Variants in ELMOD1 observed in about 807,000 individuals in gnomAD.
ELMOD1 encodes ELMO domain-containing protein 1.
Under a neutral mutation model 46.7 loss-of-function variants are expected in ELMOD1, and 21 were observed. The ratio of observed to expected loss-of-function variants is 0.45; its 90% CI spans 0.32 to 0.65. ELMOD1 has a LOEUF of 0.65. Ranked by LOEUF, ELMOD1 falls within the 30% of genes least tolerant of loss-of-function variation. The probability of loss-of-function intolerance (pLI) is 0.04; values close to 1 mark genes in which losing one functional copy is unlikely to be tolerated. For missense variants in ELMOD1, 348 were observed against 407.8 expected, an observed-to-expected ratio of 0.85 and a Z score of 1.26; for synonymous variants, 122 against 138.2, an observed-to-expected ratio of 0.88 and a Z score of 0.82.
At chr11:107,630,841 C>A in intron 4 of ELMOD1, 113 bp downstream of exon 4, 3 of 1,016,006 alleles carry the variant, frequency 3.0e-6, no homozygotes, top group Non-Finnish European at 4.3e-6. Context: ...AAACTACTGC[C>A]AACTGAGAAG....
Position 107,666,263 on chromosome 11 carries a change from A to AT in ELMOD1, c.*1067dup, listed in dbSNP as rs1866843497. ...TGATGCTTGAAGCCTCAGAAAAGAA[A>AT]TAAGCATATTTCAAAAGCTGCAAAA... is the stretch of plus-strand genomic sequence containing the variant. On this transcript the variant is annotated 3_prime_UTR_variant, in exon 12 of 12. Transcript: ENST00000265840. 6.6e-6 allele frequency: 1 copy of AT among 152,224 alleles called. No homozygotes were observed. Among genetic ancestry groups the AT allele is most frequent in the Non-Finnish European group, 1.5e-5 (1 of 68,054 alleles). 9.4% of individuals were successfully genotyped at this position (152,224 alleles called of 1,614,324 possible).
intron 6 of ELMOD1, chr11:107,643,603 A>G (rs1443372175): frequency 1.9e-6 from 1 of 527,704 alleles, no homozygotes; most frequent in African/African-American, 1.9e-5. Flanking sequence ...TTTGAGTACA[A>G]GTATCTGGAC....
chr11:107,651,735 T>C (rs1565389154), intron 9 of ELMOD1, among the ~76,000 whole-genome samples: 2 of 152,318 alleles, frequency 1.3e-5, no homozygotes, highest in South Asian at 4.1e-4. Flanking sequence ...CTCCCTCTAG[T>C]TAAAATTGGC....
rs776979619 is a variant in ELMOD1 at position 107,639,708 on chromosome 11, TCTGA to T, written c.420+3946_420+3949del. On this transcript the variant is annotated intron_variant, in intron 6 of 11. Coordinates refer to ENST00000265840, the MANE Select transcript of ELMOD1 (RefSeq NM_018712.4). ...GAGAGCAGGCTGTGATGGATAACAG[TCTGA>T]CTCAGAGTGCAGTCTCCACATCTGT... Among the ~76,000 whole-genome samples, 133 of 152,306 alleles carry T rather than the reference TCTGA, an allele frequency of 8.7e-4. 1 individual carries two copies. The highest frequency in any genetic ancestry group is 1.4e-3 in the Non-Finnish European group (93 of 68,026).
chr11:107,630,798 T>C, intron 4 of ELMOD1, 70 bp downstream of exon 4: 1 of 1,504,640 alleles, frequency 6.6e-7, no homozygotes. Flanking sequence ...GAAGTAAAAA[T>C]TCTAAGAAAC....
chr11:107,612,519 T>A (rs1865797173), intron 1 of ELMOD1, among the ~76,000 whole-genome samples: 1 of 152,160 alleles, frequency 6.6e-6, no homozygotes, highest in South Asian at 2.1e-4. Context: ...AAAGTTGAAA[T>A]TATCTTGAAA....
intron 1 of ELMOD1, among the ~76,000 whole-genome samples, chr11:107,609,642 G>A (rs932725555): frequency 1.2e-4 from 18 of 152,186 alleles, no homozygotes; most frequent in African/African-American, 4.1e-4. Flanking sequence ...GATGCCGGGC[G>A]AGAGGATGAG....
chr11:107,624,031 A>G (rs1445223362), intron 2 of ELMOD1, among the ~76,000 whole-genome samples: 1 of 152,128 alleles, frequency 6.6e-6, no homozygotes, highest in Non-Finnish European at 1.5e-5. Flanking sequence ...TCCTCTAACT[A>G]GGTTGTTTAA....
chr11:107,647,280 A>G (rs1866446473), intron 6 of ELMOD1, among the ~76,000 whole-genome samples, 188 bp from the exon 7 acceptor site: 1 of 152,172 alleles, frequency 6.6e-6, no homozygotes, highest in Non-Finnish European at 1.5e-5. Context: ...ATGCTGTCAT[A>G]AATAATTGAA....
chr11:107,649,496 T>A (rs1866488520), intron 7 of ELMOD1, among the ~76,000 whole-genome samples: 1 of 152,214 alleles, frequency 6.6e-6, no homozygotes, highest in Admixed American at 6.5e-5. Flanking sequence ...CTTTTTTATT[T>A]GAGGACATTT....
chr11:107,602,504 C>A (rs1865617608), intron 1 of ELMOD1, among the ~76,000 whole-genome samples: 1 of 152,016 alleles, frequency 6.6e-6, no homozygotes, highest in South Asian at 2.1e-4. Flanking sequence ...TTGTTAAATT[C>A]TTCTGGCAGA....
At chr11:107,635,303 T>C (rs1866209619) in intron 5 of ELMOD1, among the ~76,000 whole-genome samples, 1 of 152,166 alleles carries the variant, frequency 6.6e-6, no homozygotes, top group Admixed American at 6.5e-5. Flanking sequence ...TTGGTAGAGA[T>C]AGGATCTTGC....
intron 10 of ELMOD1, among the ~76,000 whole-genome samples, chr11:107,655,440 G>A (rs373056960): frequency 5.3e-5 from 8 of 151,812 alleles, no homozygotes; most frequent in African/African-American, 1.7e-4. Context: ...ACCAATTCTC[G>A]TGATACTCAT....
chr11:107,652,021 A>T (rs1866534636), intron 9 of ELMOD1, among the ~76,000 whole-genome samples: 1 of 152,202 alleles, frequency 6.6e-6, no homozygotes, highest in Non-Finnish European at 1.5e-5. Context: ...ATATATGTGT[A>T]GTCATGTATA....
intron 9 of ELMOD1, chr11:107,653,840 G>A (rs1866572238): frequency 4.5e-6 from 1 of 222,862 alleles, no homozygotes; most frequent in Non-Finnish European, 9.0e-6. Context: ...TAGGGAATCA[G>A]GAGAGAGTGA....
intron 2 of ELMOD1, among the ~76,000 whole-genome samples, chr11:107,625,233 G>A (rs1866021229): frequency 2.0e-5 from 3 of 152,222 alleles, no homozygotes; most frequent in South Asian, 4.1e-4. Flanking sequence ...AGGAACTTCA[G>A]TGGAGCAACT....
intron 1 of ELMOD1, among the ~76,000 whole-genome samples, chr11:107,611,624 G>A (rs1351919715): frequency 6.8e-6 from 1 of 146,722 alleles, no homozygotes; most frequent in Admixed American, 7.0e-5. Context: ...AGAATGGCGT[G>A]AACCTGGGAG....
intron 7 of ELMOD1, among the ~76,000 whole-genome samples, chr11:107,648,245 G>T: frequency 6.6e-6 from 1 of 152,248 alleles, no homozygotes; most frequent in East Asian, 1.9e-4. Context: ...AATTAGATCA[G>T]TCTCTCTTGC....
intron 1 of ELMOD1, among the ~76,000 whole-genome samples, chr11:107,595,152 TG>T (rs1292978433): frequency 4.4e-5 from 4 of 90,244 alleles, no homozygotes; most frequent in Non-Finnish European, 5.9e-5. Context: ...TCAATAAATC[TG>T]TTTTTTTTTT....
Sources: allele counts gnomAD v4.1 joint callset (sites outside exome capture counted in the v4.1 genomes callset), GRCh38; gene constraint gnomAD v4.1.1; transcripts MANE v1.5; gene names NCBI Gene and HGNC (gene_info 2026-07-23, HGNC 2026-07-21).